The following IL1R1 variants were observed in gnomAD, a reference collection of about 807,000 sequenced individuals.
IL1R1 encodes the protein interleukin-1 receptor type 1.
In IL1R1, 22 loss-of-function variants were observed where a neutral mutation model predicts 50.2. The observed-to-expected ratio is 0.44, with a 90% CI of 0.31 to 0.63. IL1R1 has a LOEUF of 0.63. Ranked by LOEUF, IL1R1 falls within the 20% of genes least tolerant of loss-of-function variation. The pLI, the probability that IL1R1 is intolerant of heterozygous loss-of-function variation, is 0.07. For synonymous variants in IL1R1, 251 were observed against 236.7 expected (o/e 1.06, Z -0.55); for missense variants, 509 against 676.2 (o/e 0.75, Z 2.74).
At chr2:102,126,730 T>G (rs778406160) in intron 1 of IL1R1, among the ~76,000 whole-genome samples, 7 of 152,138 alleles carry the variant, frequency 4.6e-5, no homozygotes, top group Non-Finnish European at 8.8e-5. Context: ...TAAAACTCAC[T>G]TAGGTTATAG....
At chr2:102,088,202 A>G (rs961701597) in intron 1 of IL1R1, among the ~76,000 whole-genome samples, 3 of 152,204 alleles carry the variant, frequency 2.0e-5, no homozygotes, top group African/African-American at 7.2e-5. Context: ...TTTTCCATTT[A>G]CTTTTCCAGT....
At chr2:102,175,739 G>C (rs1296135073) in intron 11 of IL1R1, 94 bp downstream of exon 11, 9 of 1,174,578 alleles carry the variant, frequency 7.7e-6, no homozygotes, top group Middle Eastern at 2.0e-4. Context: ...TGGCATAGGG[G>C]TATATGTTTC....
At chr2:102,157,240 T>C (rs1043293590) in intron 2 of IL1R1, among the ~76,000 whole-genome samples, 26 of 152,156 alleles carry the variant, frequency 1.7e-4, no homozygotes, top group African/African-American at 6.0e-4. Flanking sequence ...CAATTTAGGA[T>C]CTTGCAATAT....
Position 102,167,908 on chromosome 2 carries a change from T to C in IL1R1, c.656-690T>C, listed in dbSNP as rs1266920764. ...CACTCAAGGATTCAAAAATATTTAT[T>C]GAGCATTTACTATGTTTCAGGAACT... On this transcript the variant is annotated intron_variant, in intron 6 of 11. Coordinates refer to ENST00000410023, the MANE Select transcript of IL1R1 (RefSeq NM_000877.4). Among the ~76,000 whole-genome samples the C allele has an allele frequency of 2.0e-5, 3 of 152,188 alleles. No homozygotes were observed. The East Asian group carries it at 5.8e-4, about 29-fold the overall frequency.
intron 1 of IL1R1, among the ~76,000 whole-genome samples, chr2:102,128,009 C>G (rs996931189): frequency 1.1e-4 from 17 of 152,158 alleles, no homozygotes; most frequent in Admixed American, 9.8e-4. Context: ...CAATTCTCGA[C>G]AGTTCTTCAC....
At chr2:102,143,784 A>G (rs1428116935) in intron 1 of IL1R1, among the ~76,000 whole-genome samples, 1 of 152,176 alleles carries the variant, frequency 6.6e-6, no homozygotes, top group East Asian at 1.9e-4. Context: ...AGGCACGCAG[A>G]TGCTGGCTCC....
At chr2:102,134,680 C>A (rs1057387775) in intron 1 of IL1R1, among the ~76,000 whole-genome samples, 1 of 152,094 alleles carries the variant, frequency 6.6e-6, no homozygotes, top group Non-Finnish European at 1.5e-5. Flanking sequence ...GCCCGGCCTG[C>A]ATCACTACTT....
chr2:102,078,265 C>T (rs1007284200), intron 1 of IL1R1, among the ~76,000 whole-genome samples: 1 of 151,768 alleles, frequency 6.6e-6, no homozygotes, highest in Admixed American at 6.6e-5. Context: ...AATCAACAAA[C>T]CAAATGTAGG....
At chr2:102,099,774 C>T (rs1001579856), upstream of IL1R1, among the ~76,000 whole-genome samples, 7 of 152,160 alleles carry the variant, frequency 4.6e-5, no homozygotes, top group African/African-American at 1.7e-4. Flanking sequence ...GTTTTGTTTT[C>T]CACCAGTGCT....
chr2:102,170,485 C>A (rs1685576498), intron 7 of IL1R1, among the ~76,000 whole-genome samples: 1 of 152,130 alleles, frequency 6.6e-6, no homozygotes, highest in Non-Finnish European at 1.5e-5. Flanking sequence ...CCTGATCATA[C>A]CAATCCCAAG....
chr2:102,071,025 T>A (rs1432541590), intron 1 of IL1R1, among the ~76,000 whole-genome samples: 1 of 152,126 alleles, frequency 6.6e-6, no homozygotes, highest in Non-Finnish European at 1.5e-5. Flanking sequence ...AAGGATAAGG[T>A]TATGTAAATT....
chr2:102,165,434 G>T, intron 5 of IL1R1, 130 bp downstream of exon 5: 1 of 461,262 alleles, frequency 2.2e-6, no homozygotes, highest in Non-Finnish European at 3.7e-6. Context: ...AACTTGATAG[G>T]GAACCTAAAA....
upstream of IL1R1, among the ~76,000 whole-genome samples, chr2:102,101,794 AG>A (rs1680155456): frequency 1.3e-5 from 2 of 152,226 alleles, no homozygotes; most frequent in African/African-American, 4.8e-5. Flanking sequence ...AAATGTTAAA[AG>A]CTCTGGGCTC....
At chr2:102,144,394 C>A (rs1285507903) in intron 1 of IL1R1, among the ~76,000 whole-genome samples, 1 of 152,142 alleles carries the variant, frequency 6.6e-6, no homozygotes, top group Non-Finnish European at 1.5e-5. Context: ...TCTCACATGA[C>A]CTTGGCAGGC....
intron 1 of IL1R1, among the ~76,000 whole-genome samples, chr2:102,130,648 A>G (rs953394191): frequency 6.8e-6 from 1 of 147,342 alleles, no homozygotes; most frequent in Non-Finnish European, 1.5e-5. Context: ...ACTAAAATGT[A>G]TTAATTCTTG....
At chr2:102,091,397 T>C (rs1360485533) in intron 1 of IL1R1, among the ~76,000 whole-genome samples, 9 of 152,238 alleles carry the variant, frequency 5.9e-5, no homozygotes, top group Non-Finnish European at 8.8e-5. Flanking sequence ...AAGCTGATTT[T>C]GTAATCTTGA....
intron 1 of IL1R1, among the ~76,000 whole-genome samples, chr2:102,118,732 G>C (rs141424254): frequency 1.3e-5 from 2 of 152,112 alleles, no homozygotes; most frequent in African/African-American, 2.4e-5. Flanking sequence ...AAAAGGAAAA[G>C]TAGGGCCGGG....
intron 1 of IL1R1, among the ~76,000 whole-genome samples, chr2:102,120,728 C>A (rs1394270092): frequency 6.6e-6 from 1 of 152,172 alleles, no homozygotes; most frequent in Non-Finnish European, 1.5e-5. Context: ...ACTACACAAT[C>A]CCATTCACTA....
intron 3 of IL1R1, among the ~76,000 whole-genome samples, chr2:102,158,551 T>A (rs1375199328): frequency 2.6e-5 from 4 of 152,204 alleles, no homozygotes; most frequent in South Asian, 4.1e-4. Flanking sequence ...CCAGTCAGCA[T>A]GTGCAAAGGC....
Sources: gnomAD v4.1 joint callset for allele counts (sites outside exome capture counted in the v4.1 genomes callset) on GRCh38, gnomAD v4.1.1 for gene constraint, MANE v1.5 for transcripts, NCBI Gene and HGNC (gene_info 2026-07-23, HGNC 2026-07-21) for gene names.